Variants in CPNE2 observed in about 807,000 individuals in gnomAD.
The protein encoded by CPNE2 is copine 2.
A neutral mutation model predicts 69.7 loss-of-function variants in CPNE2; 42 were observed. The observed-to-expected ratio is 0.60, with a 90% CI of 0.47 to 0.78. CPNE2 has a LOEUF of 0.78. Among genes scored for constraint, CPNE2 ranks in the 30% least tolerant of loss-of-function variants. The pLI is 0.00. For synonymous variants in CPNE2, 294 were observed against 289.8 expected (o/e 1.01, Z -0.15); for missense variants, 587 against 732.0 (o/e 0.80, Z 2.29).
At chr16:57,123,646 C>CT in intron 10 of CPNE2, 173 bp downstream of exon 10, 1 of 662,040 alleles carries the variant, frequency 1.5e-6, no homozygotes, top group Admixed American at 2.6e-5. Context: ...CTGTCTGGTC[C>CT]TGCTGGGTGT....
At chr16:57,102,285 T>G (rs2069619817) in intron 1 of CPNE2, among the ~76,000 whole-genome samples, 1 of 152,064 alleles carries the variant, frequency 6.6e-6, no homozygotes. Context: ...GGGAGATGCG[T>G]AGGTGACCCA....
chr16:57,108,719 G>C (rs756201111), intron 1 of CPNE2, among the ~76,000 whole-genome samples: 1 of 152,212 alleles, frequency 6.6e-6, no homozygotes, highest in Non-Finnish European at 1.5e-5. Context: ...TCCACCCCTT[G>C]AGATGGGTTG....
intron 5 of CPNE2, among the ~76,000 whole-genome samples, chr16:57,118,430 C>G (rs978948188): frequency 7.9e-5 from 12 of 151,950 alleles, no homozygotes; most frequent in Admixed American, 5.3e-4. Flanking sequence ...ACCTCGGCCT[C>G]CCAAAGTGCT....
chr16:57,110,104 C>T lies in CPNE2; in HGVS notation c.-35-604C>T, dbSNP rs185818982. Among the ~76,000 whole-genome samples, 7 of 152,228 alleles carry T rather than the reference C, an allele frequency of 4.6e-5. No individual in the cohort carries two copies. In the East Asian group the frequency reaches 5.8e-4, roughly 13 times the overall value. On this transcript the variant is annotated intron_variant, in intron 1 of 15. Coordinates refer to ENST00000290776, the MANE Select transcript of CPNE2 (RefSeq NM_152727.6). ...CCACTGTGATTTGTTGCTCATGTGACGGAGCAACACACAAGGAGCTGTGCA... is the reference window on the plus strand; with the variant it reads ...CCACTGTGATTTGTTGCTCATGTGATGGAGCAACACACAAGGAGCTGTGCA...
At position 57,110,734 on chromosome 16, in the gene CPNE2, C is replaced by T. The variant is rs772657419; in HGVS notation, c.-9C>T. ...CTGCCAGGAACTCCTGCCACCGCCA[C>T]CGGCTCCCATGGCCCACATACCCAG... is the stretch of plus-strand genomic sequence containing the variant. On this transcript the variant is annotated 5_prime_UTR_variant, in exon 2 of 16. Coordinates refer to ENST00000290776, the MANE Select transcript of CPNE2 (RefSeq NM_152727.6). The T allele has an allele frequency of 9.4e-6, 15 of 1,596,214 alleles. No homozygotes were observed. The highest frequency in any genetic ancestry group is 1.2e-5 in the Non-Finnish European group (14 of 1,170,560).
chr16:57,098,695 G>A (rs1339257450), intron 1 of CPNE2, among the ~76,000 whole-genome samples: 1 of 152,146 alleles, frequency 6.6e-6, no homozygotes, highest in African/African-American at 2.4e-5. Flanking sequence ...AAGATGTTAT[G>A]GTTCCTCTTC....
rs1044521108 is a variant in CPNE2 at position 57,130,986 on chromosome 16, G to A, written c.1116+3083G>A. On this transcript the variant is annotated intron_variant, in intron 12 of 15. Transcript: ENST00000290776. This position sits in a 1 kb window ranked among gnomAD's most constrained non-coding sequence, Gnocchi z 4.1. ...GAACCACGGGCACCAGGGGAGGGGT[G>A]GTTTGGTGGCTCAGAGATGGAGACG... is the stretch of plus-strand genomic sequence containing the variant. Among the ~76,000 whole-genome samples, 3 of 152,112 alleles carry A rather than the reference G, an allele frequency of 2.0e-5. No homozygotes were observed. The highest frequency in any genetic ancestry group is 4.4e-5 in the Non-Finnish European group (3 of 68,002).
intron 12 of CPNE2, among the ~76,000 whole-genome samples, chr16:57,129,774 G>A (rs188064557): frequency 3.2e-4 from 49 of 152,282 alleles, no homozygotes; most frequent in African/African-American, 1.1e-3. Context: ...AGCCGAGATC[G>A]TGCCACTGCA....
intron 1 of CPNE2, among the ~76,000 whole-genome samples, chr16:57,101,696 G>A (rs1257788023): frequency 1.3e-5 from 2 of 152,224 alleles, no homozygotes; most frequent in African/African-American, 4.8e-5. Context: ...TCAAAGTGTG[G>A]TTCCAGGGGG....
At position 57,146,280 on chromosome 16, in the gene CPNE2, C is replaced by T. The variant is rs1405761402; in HGVS notation, c.1498C>T (p.Arg500Cys). The T allele has an allele frequency of 1.3e-6, 2 of 1,555,428 alleles. No individual in the cohort carries two copies. The highest frequency in any genetic ancestry group is 1.7e-6 in the Non-Finnish European group (2 of 1,148,894). Residue 500 changes from arginine to cysteine, a missense_variant, in exon 15 of 16, where the codon CGC (arginine) becomes TGC (cysteine). Arg to Cys is a radical substitution (Grantham distance 180). This residue lies in a region of CPNE2 where 185 missense variants were observed against 252.3 expected (regional missense o/e 0.73). Transcript: ENST00000290776. This position sits in a 1 kb window ranked among gnomAD's most constrained non-coding sequence, Gnocchi z 4.4. ...CTCCCACACGGGGGAGGAGGCAGCC[C>T]GCGATATTGTGCAGTTCGTTCCCTT... ...LRSHTGEEAA[R>C]DIVQFVPFRE...
rs535999664 is a variant in CPNE2 at position 57,134,951 on chromosome 16, T to C, written c.1168+125T>C. The C allele has an allele frequency of 9.9e-4, 1,044 of 1,059,830 alleles. 8 individuals carry two copies. The highest frequency in any genetic ancestry group is 8.0e-5 in the Non-Finnish European group (57 of 708,470). The allele number at this position is 1,059,830 out of a possible 1,614,324, so 65.7% of individuals were successfully genotyped here. A position where few individuals can be genotyped will look rare whatever the true frequency, so the allele number is the denominator to read the frequency against. ...CCTTTCCCCTCCCCCTTACTGTTGC[T>C]CAGAGTGACAGAGGGGGAAGAGCTG... On this transcript the variant is annotated intron_variant, in intron 13 of 15. Coordinates refer to ENST00000290776, the MANE Select transcript of CPNE2 (RefSeq NM_152727.6).
intron 8 of CPNE2, 86 bp from the exon 9 acceptor site, chr16:57,121,588 C>T: frequency 7.6e-7 from 1 of 1,320,728 alleles, no homozygotes; most frequent in Admixed American, 1.8e-5. Context: ...ATTGTCAAGC[C>T]TGTGGAAGGG....
At chr16:57,120,345 T>A (rs2069752517) in intron 7 of CPNE2, among the ~76,000 whole-genome samples, 1 of 149,960 alleles carries the variant, frequency 6.7e-6, no homozygotes, top group Non-Finnish European at 1.5e-5. Flanking sequence ...GAGGCCAAGG[T>A]GGGTGGATCA....
Position 57,113,344 on chromosome 16 carries a change from C to G in CPNE2, c.237C>G (p.Phe79Leu), listed in dbSNP as rs193160367. ...NNLNPAFSKK[F>L]VLDYHFEEVQ... ...TCAACCCCGCCTTCTCCAAGAAGTT[C>G]GTGCTTGACTACCACTTCGAGGAGG... Residue 79 changes from phenylalanine (F) to leucine (L), a missense_variant, in exon 3 of 16, where the codon TTC (phenylalanine) becomes TTG (leucine). Coordinates refer to ENST00000290776, the MANE Select transcript of CPNE2 (RefSeq NM_152727.6). The G allele has an allele frequency of 6.2e-7, 1 of 1,614,198 alleles. No individual in the cohort carries two copies. The highest frequency in any genetic ancestry group is 8.5e-7 in the Non-Finnish European group (1 of 1,180,032).
intron 1 of CPNE2, among the ~76,000 whole-genome samples, chr16:57,106,499 T>C (rs2069649661): frequency 6.6e-6 from 1 of 152,108 alleles, no homozygotes; most frequent in African/African-American, 2.4e-5. Context: ...CATCTGTCAT[T>C]GTATTTGTCA....
At chr16:57,094,275 CTG>C (rs1452389435) in intron 1 of CPNE2, among the ~76,000 whole-genome samples, 1 of 152,170 alleles carries the variant, frequency 6.6e-6, no homozygotes, top group Non-Finnish European at 1.5e-5. Flanking sequence ...ATGAGGCAAA[CTG>C]TGACATGATC....
intron 13 of CPNE2, 135 bp from the exon 14 acceptor site, chr16:57,137,013 CT>C: frequency 1.6e-6 from 2 of 1,282,220 alleles, no homozygotes; most frequent in South Asian, 3.0e-5. Flanking sequence ...AGCTTCCAGT[CT>C]GTCTCACAAG....
Position 57,117,696 on chromosome 16 carries a change from C to T in CPNE2, c.507+129C>T, listed in dbSNP as rs1165882321. On this transcript the variant is annotated intron_variant, in intron 5 of 15. Coordinates refer to ENST00000290776, the MANE Select transcript of CPNE2 (RefSeq NM_152727.6). Reference sequence around the variant, plus strand: ...TTCTAGGGACTGGTCCAGCACGGGGCCCTCCTGGCCACTCCAGATTAGGAC... The same window carrying T: ...TTCTAGGGACTGGTCCAGCACGGGGTCCTCCTGGCCACTCCAGATTAGGAC... The T allele has an allele frequency of 9.3e-6, 9 of 967,866 alleles. 1 individual carries two copies. The highest frequency in any genetic ancestry group is 7.4e-5 in the South Asian group (5 of 67,554). The allele number at this position is 967,866 out of a possible 1,614,324, so 60.0% of individuals were successfully genotyped here.
chr16:57,143,716 G>C (rs1761752717), intron 14 of CPNE2: 1 of 152,652 alleles, frequency 6.6e-6, no homozygotes, highest in African/African-American at 2.4e-5. Flanking sequence ...GGTGCCCACA[G>C]TCCTGCAGGA....
Sources: gnomAD v4.1 joint callset for allele counts (sites outside exome capture counted in the v4.1 genomes callset) on GRCh38, gnomAD v4.1.1 for gene constraint, gnomAD v4.1.1 regional missense constraint, Gnocchi (gnomAD v3.1) non-coding constraint, MANE v1.5 for transcripts, NCBI Gene and HGNC (gene_info 2026-07-23, HGNC 2026-07-21) for gene names.